TRERF1: variants seen among roughly 807,000 people sequenced by gnomAD.
TRERF1 encodes transcriptional regulating factor 1.
Under a neutral mutation model 122.9 loss-of-function variants are expected in TRERF1, and 27 were observed. That is an observed-to-expected ratio of 0.22 (90% CI 0.16 to 0.30). TRERF1 has a LOEUF of 0.30. Ranked by LOEUF, TRERF1 falls within the 10% of genes least tolerant of loss-of-function variation. TRERF1 has a pLI of 1.00. For synonymous variants in TRERF1, 636 were observed against 641.7 expected (o/e 0.99, Z 0.13); for missense variants, 1,248 against 1,560.3 (o/e 0.80, Z 3.37).
At chr6:42,318,876 A>G (rs1345627134) in intron 3 of TRERF1, among the ~76,000 whole-genome samples, 1 of 152,248 alleles carries the variant, frequency 6.6e-6, no homozygotes, top group Non-Finnish European at 1.5e-5. Flanking sequence ...TTCTTTGGCT[A>G]AGAGTCCTCA....
chr6:42,451,393 T>A (rs1265545575), intron 1 of TRERF1, 132 bp from the exon 2 acceptor site: 1 of 151,732 alleles, frequency 6.6e-6, no homozygotes, highest in Admixed American at 6.6e-5. Context: ...CAAGCCCCTC[T>A]CCCCAGCAGG....
At chr6:42,330,365 T>G (rs1765043889) in intron 3 of TRERF1, among the ~76,000 whole-genome samples, 1 of 152,190 alleles carries the variant, frequency 6.6e-6, no homozygotes, top group Non-Finnish European at 1.5e-5. Context: ...CTCACCAGTA[T>G]CTATCAAAAT....
At chr6:42,415,732 G>A (rs1312999273) in intron 2 of TRERF1, among the ~76,000 whole-genome samples, 1 of 152,076 alleles carries the variant, frequency 6.6e-6, no homozygotes, top group Non-Finnish European at 1.5e-5. Flanking sequence ...CAGCCAATTA[G>A]TACCAAGTGA....
intron 2 of TRERF1, among the ~76,000 whole-genome samples, chr6:42,395,090 G>T (rs1246260207): frequency 1.3e-5 from 2 of 152,368 alleles, no homozygotes; most frequent in African/African-American, 4.8e-5. Flanking sequence ...CCCTTCTGGG[G>T]AGTCCAGGCT....
chr6:42,340,357 CA>C (rs1305504896), intron 3 of TRERF1, among the ~76,000 whole-genome samples: 1 of 152,104 alleles, frequency 6.6e-6, no homozygotes, highest in African/African-American at 2.4e-5. Flanking sequence ...GAGGGTTCAC[CA>C]GGCCCATTCA....
intron 3 of TRERF1, among the ~76,000 whole-genome samples, chr6:42,344,638 C>A (rs1373353883): frequency 1.3e-5 from 2 of 152,154 alleles, no homozygotes; most frequent in African/African-American, 4.8e-5. Context: ...GCTACTAAGA[C>A]TCTGCTAGGA....
chr6:42,437,137 C>T (rs1393813718), intron 2 of TRERF1, among the ~76,000 whole-genome samples: 1 of 152,024 alleles, frequency 6.6e-6, no homozygotes, highest in South Asian at 2.1e-4. Flanking sequence ...CCTCAGGAAA[C>T]GGAGGTTCAG....
chr6:42,309,160 G>T (rs775539170), intron 3 of TRERF1, among the ~76,000 whole-genome samples: 1 of 152,144 alleles, frequency 6.6e-6, no homozygotes, highest in African/African-American at 2.4e-5. Flanking sequence ...CAGCCTAAAA[G>T]GCAGGGTCGA....
chr6:42,284,346 G>T (rs538289039), intron 4 of TRERF1, among the ~76,000 whole-genome samples: 1 of 151,828 alleles, frequency 6.6e-6, no homozygotes, highest in African/African-American at 2.4e-5. Flanking sequence ...GATCACAGGC[G>T]TGAGCCACGG....
At chr6:42,443,041 C>T (rs991039498) in intron 2 of TRERF1, among the ~76,000 whole-genome samples, 20 of 152,166 alleles carry the variant, frequency 1.3e-4, no homozygotes, top group African/African-American at 4.8e-4. Flanking sequence ...CTACAAAATG[C>T]GAGTTATTTC....
At chr6:42,361,827 C>T (rs1300935474) in intron 3 of TRERF1, among the ~76,000 whole-genome samples, 1 of 152,216 alleles carries the variant, frequency 6.6e-6, no homozygotes, top group East Asian at 1.9e-4. Flanking sequence ...TGGACAGCAT[C>T]CACCCAGTTC....
At chr6:42,402,665 G>A (rs774446285) in intron 2 of TRERF1, among the ~76,000 whole-genome samples, 34 of 152,214 alleles carry the variant, frequency 2.2e-4, no homozygotes, top group Non-Finnish European at 2.8e-4. Context: ...TTCTTATCAA[G>A]CTAAGTCTCC....
At chr6:42,328,262 G>A (rs1002280908) in intron 3 of TRERF1, among the ~76,000 whole-genome samples, 21 of 152,022 alleles carry the variant, frequency 1.4e-4, no homozygotes, top group Non-Finnish European at 1.0e-4. Flanking sequence ...GCCCGCCTCC[G>A]CCTCACAGAG....
intron 15 of TRERF1, among the ~76,000 whole-genome samples, chr6:42,240,321 A>G (rs71558791): frequency 0.059 from 9,005 of 152,334 alleles, 337 homozygotes; most frequent in East Asian, 0.11. Flanking sequence ...ACCCAAGCCT[A>G]AGATACACCA....
At chr6:42,436,729 T>C (rs1785420311) in intron 2 of TRERF1, among the ~76,000 whole-genome samples, 1 of 149,536 alleles carries the variant, frequency 6.7e-6, no homozygotes, top group Non-Finnish European at 1.5e-5. Flanking sequence ...CTTTTTTATT[T>C]TCTTCCTCAT....
intron 3 of TRERF1, among the ~76,000 whole-genome samples, chr6:42,317,047 T>A (rs1024916032): frequency 1.3e-5 from 2 of 152,150 alleles, no homozygotes; most frequent in Admixed American, 6.5e-5. Flanking sequence ...GGCCCCCTAA[T>A]GTAGAGGCTG....
intron 14 of TRERF1, among the ~76,000 whole-genome samples, chr6:42,243,602 A>AC (rs1246379033): frequency 6.7e-5 from 10 of 148,452 alleles, no homozygotes; most frequent in African/African-American, 2.5e-4. Context: ...TTTTTTTGAG[A>AC]CGGAGTCTTG....
At chr6:42,324,366 T>C (rs1447979916) in intron 3 of TRERF1, among the ~76,000 whole-genome samples, 1 of 152,212 alleles carries the variant, frequency 6.6e-6, no homozygotes, top group Non-Finnish European at 1.5e-5. Context: ...TCTTATCAAA[T>C]GGCCAACATC....
At chr6:42,367,868 C>T (rs1406527445) in intron 2 of TRERF1, among the ~76,000 whole-genome samples, 2 of 152,074 alleles carry the variant, frequency 1.3e-5, no homozygotes, top group African/African-American at 4.8e-5. Flanking sequence ...GCAGAGCTCC[C>T]ATCCCCGATC....
Sources: gnomAD v4.1 joint callset for allele counts (sites outside exome capture counted in the v4.1 genomes callset) on GRCh38, gnomAD v4.1.1 for gene constraint, MANE v1.5 for transcripts, NCBI Gene and HGNC (gene_info 2026-07-23, HGNC 2026-07-21) for gene names.